The following MAP1LC3B variants were observed in gnomAD, a reference collection of about 807,000 sequenced individuals.
MAP1LC3B encodes the protein microtubule associated protein 1 light chain 3 beta, also known as microtubule-associated protein 1 light chain 3 beta.
A neutral mutation model predicts 16.7 loss-of-function variants in MAP1LC3B; 12 were observed. The ratio of observed to expected loss-of-function variants is 0.72; its 90% CI spans 0.46 to 1.16. The LOEUF is 1.16. Among genes scored for constraint, MAP1LC3B ranks in the 50% most tolerant of loss-of-function variants. The probability of loss-of-function intolerance (pLI) is 0.00; values close to 1 mark genes in which losing one functional copy is unlikely to be tolerated. For missense variants in MAP1LC3B, 155 were observed against 159.5 expected (o/e 0.97, Z 0.15); for synonymous variants, 63 against 56.5 (o/e 1.11, Z -0.51).
chr16:87,398,711 C>T, intron 1 of MAP1LC3B, 104 bp from the exon 2 acceptor site: 1 of 959,074 alleles, frequency 1.0e-6, no homozygotes, highest in Non-Finnish European at 1.7e-6. Context: ...CAGTGTTCTG[C>T]TGTGCCACAG....
chr16:87,397,254 G>A (rs1258201296), intron 1 of MAP1LC3B, among the ~76,000 whole-genome samples: 1 of 152,194 alleles, frequency 6.6e-6, no homozygotes, highest in Non-Finnish European at 1.5e-5. Flanking sequence ...TAAAGTTTTG[G>A]ATGGGGAAAC....
At chr16:87,397,487 G>T (rs923370596) in intron 1 of MAP1LC3B, among the ~76,000 whole-genome samples, 2 of 152,058 alleles carry the variant, frequency 1.3e-5, no homozygotes, top group Admixed American at 1.3e-4. Flanking sequence ...GCATGGTGTC[G>T]GGTGCCTGTA....
chr16:87,402,393 C>G, intron 3 of MAP1LC3B, 112 bp downstream of exon 3: 9 of 968,398 alleles, frequency 9.3e-6, no homozygotes, highest in Non-Finnish European at 1.1e-5. Flanking sequence ...AAATATTTTT[C>G]AGCTGAATTC....
intron 1 of MAP1LC3B, chr16:87,393,409 C>A (rs535595204): frequency 1.3e-5 from 2 of 152,244 alleles, no homozygotes; most frequent in Non-Finnish European, 2.9e-5. Flanking sequence ...CCGCCATCCT[C>A]GTCAGGAGCC....
Position 87,402,971 on chromosome 16 carries a change from C to A in MAP1LC3B, c.252C>A (p.Asn84Lys), listed in dbSNP as rs762766923. The change falls in exon 4 of 4, where the codon AAC (asparagine) becomes AAA (lysine). Residue 84 changes from asparagine to lysine, a missense_variant. By Grantham distance (94) the Asn-to-Lys change is moderately conservative. Coordinates refer to ENST00000268607, the MANE Select transcript of MAP1LC3B (RefSeq NM_022818.5). ...NANQAFFLLV[N>K]GHSMVSVSTP... ...ATCAGGCCTTCTTCCTGTTGGTGAA[C>A]GGACACAGCATGGTCAGCGTCTCCA... 42 of 1,613,836 alleles carry A rather than the reference C, an allele frequency of 2.6e-5. No homozygotes were observed. Among genetic ancestry groups the A allele is most frequent in the Non-Finnish European group, 3.3e-5 (39 of 1,179,902 alleles).
At chr16:87,393,908 T>A (rs1907705454) in intron 1 of MAP1LC3B, among the ~76,000 whole-genome samples, 1 of 152,192 alleles carries the variant, frequency 6.6e-6, no homozygotes, top group African/African-American at 2.4e-5. Flanking sequence ...TGGGAACATT[T>A]ATGTAGGAGA....
At chr16:87,402,154 C>T in intron 2 of MAP1LC3B, 21 bp from the exon 3 acceptor site, 2 of 1,613,288 alleles carry the variant, frequency 1.2e-6, no homozygotes, top group Non-Finnish European at 1.7e-6. Flanking sequence ...ATTTTAAAAT[C>T]ACTTCTGGCT....
At chr16:87,397,545 G>T (rs1400688337) in intron 1 of MAP1LC3B, among the ~76,000 whole-genome samples, 1 of 152,208 alleles carries the variant, frequency 6.6e-6, no homozygotes, top group East Asian at 1.9e-4. Flanking sequence ...GTGAACCCAG[G>T]AGGCGGAGCT....
intron 1 of MAP1LC3B, among the ~76,000 whole-genome samples, chr16:87,394,524 AGTTGAAATGGATTT>A (rs1907732414): frequency 6.6e-6 from 1 of 152,200 alleles, no homozygotes; most frequent in Non-Finnish European, 1.5e-5. Flanking sequence ...GGGTTCTCAA[AGTTGAAATGGATTT>A]TAAGGCTCAC....
At chr16:87,395,579 G>T (rs898443150) in intron 1 of MAP1LC3B, among the ~76,000 whole-genome samples, 1 of 152,172 alleles carries the variant, frequency 6.6e-6, no homozygotes, top group Non-Finnish European at 1.5e-5. Context: ...TGGAGCATCC[G>T]TGTGTACCGT....
chr16:87,398,328 G>A (rs138358527), intron 1 of MAP1LC3B, among the ~76,000 whole-genome samples: 3 of 152,296 alleles, frequency 2.0e-5, no homozygotes, highest in African/African-American at 7.2e-5. Context: ...ATTCTCTTGA[G>A]CAGTTTATTT....
In MAP1LC3B at chr16:87,402,127, G is replaced by A. The variant is rs368958526; in HGVS notation, c.97-48G>A. 1.5e-4 allele frequency: 234 copies of A among 1,603,934 alleles called. 1 individual carries two copies. Among genetic ancestry groups the A allele is most frequent in the Middle Eastern group, 5.1e-4 (3 of 5,840 alleles). On this transcript the variant is annotated intron_variant, in intron 2 of 3. Transcript: ENST00000268607. ...TGGGGTTACAGGTGTGAGCCACCGC[G>A]CCTGGCCCTGATGACTATTTTAAAA...
rs990911661 is a variant in MAP1LC3B, at chr16:87,392,342, G to C, written c.-86G>C. 19 of 1,308,404 alleles carry C rather than the reference G, an allele frequency of 1.5e-5. No homozygotes were observed. The East Asian group carries it at 5.4e-4, about 37-fold the overall frequency. 81.0% of individuals were successfully genotyped at this position (1,308,404 alleles called of 1,614,324 possible). On this transcript the variant is annotated 5_prime_UTR_variant, in exon 1 of 4. Transcript: ENST00000268607. ...AAGGGAAGTGGCTATCGCCAGAGTCGGATTCGCCGCCGCAGCAGCCGCCGC... is the reference window on the plus strand; with the variant it reads ...AAGGGAAGTGGCTATCGCCAGAGTCCGATTCGCCGCCGCAGCAGCCGCCGC...
In MAP1LC3B at chr16:87,392,418, T is replaced by C; in HGVS notation, c.-10T>C. The C allele has an allele frequency of 7.0e-7, 1 of 1,426,368 alleles. No homozygotes were observed. 88.4% of individuals were successfully genotyped at this position (1,426,368 alleles called of 1,614,324 possible). On this transcript the variant is annotated 5_prime_UTR_variant, in exon 1 of 4. Coordinates refer to ENST00000268607, the MANE Select transcript of MAP1LC3B (RefSeq NM_022818.5). ...GTCGTCGCCGCCGCCGCCGCCCAGA[T>C]CCCTGCACCATGCCGTCGGAGAAGA...
chr16:87,401,957 T>A (rs960971174), intron 2 of MAP1LC3B, among the ~76,000 whole-genome samples: 1 of 152,016 alleles, frequency 6.6e-6, no homozygotes, highest in African/African-American at 2.4e-5. Flanking sequence ...CTCAGCCTCC[T>A]GAGTAGCTGG....
At chr16:87,399,899 G>C (rs1907927669) in intron 2 of MAP1LC3B, 1 of 224,532 alleles carries the variant, frequency 4.5e-6, no homozygotes. Flanking sequence ...TCAGCCTCCT[G>C]AATAGCTGGG....
At chr16:87,392,545 G>T in intron 1 of MAP1LC3B, 78 bp downstream of exon 1, 1 of 1,193,176 alleles carries the variant, frequency 8.4e-7, no homozygotes, top group Non-Finnish European at 1.0e-6. Flanking sequence ...CTGGGACGCC[G>T]TGAGGGGTCG....
At chr16:87,399,764 ATTATTTAT>A (rs539921689) in intron 2 of MAP1LC3B, 20 of 319,986 alleles carry the variant, frequency 6.3e-5, no homozygotes, top group African/African-American at 1.5e-4. Context: ...GAGCCAATGG[ATTATTTAT>A]TTATTTATTT....
intron 1 of MAP1LC3B, among the ~76,000 whole-genome samples, chr16:87,394,298 A>T (rs1368231457): frequency 9.9e-5 from 15 of 151,744 alleles, no homozygotes. Flanking sequence ...AAATCTTTCT[A>T]GTTCATGAAT....
Sources: gnomAD v4.1 joint callset for allele counts (sites outside exome capture counted in the v4.1 genomes callset) on GRCh38, gnomAD v4.1.1 for gene constraint, MANE v1.5 for transcripts, NCBI Gene and HGNC (gene_info 2026-07-23, HGNC 2026-07-21) for gene names.